TTLL7: variants seen among roughly 807,000 people sequenced by gnomAD.
TTLL7 encodes tubulin polyglutamylase TTLL7.
In TTLL7, 53 loss-of-function variants were observed where a neutral mutation model predicts 120.2. The ratio of observed to expected loss-of-function variants is 0.44; its 90% CI spans 0.35 to 0.55. TTLL7 has a LOEUF of 0.55. Ranked by LOEUF, TTLL7 falls within the 20% of genes least tolerant of loss-of-function variation. The pLI, the probability that TTLL7 is intolerant of heterozygous loss-of-function variation, is 0.00. For synonymous variants in TTLL7, 353 were observed against 351.7 expected (o/e 1.00, Z -0.04); for missense variants, 803 against 1,054.7 (o/e 0.76, Z 3.31).
At chr1:83,950,283 C>T (rs1648919525) in intron 3 of TTLL7, among the ~76,000 whole-genome samples, 1 of 152,154 alleles carries the variant, frequency 6.6e-6, no homozygotes, top group South Asian at 2.1e-4. Flanking sequence ...GGAAAACACA[C>T]ACAGCTGAGA....
rs1653020740 is a variant in TTLL7, at chr1:83,867,852, T to C, written c.*2110A>G. 1 of 151,956 alleles carries C rather than the reference T, an allele frequency of 6.6e-6. No homozygotes were observed. Among genetic ancestry groups the C allele is most frequent in the Non-Finnish European group, 1.5e-5 (1 of 67,924 alleles). 9.4% of individuals were successfully genotyped at this position (151,956 alleles called of 1,614,324 possible). ...TGTAATATCCCAATTTTTGCATTAT[T>C]TTTTCTAAAAAAAAATCCATAGCAT... is the stretch of plus-strand genomic sequence containing the variant. On this transcript the variant is annotated 3_prime_UTR_variant, in exon 21 of 21. Transcript: ENST00000260505.
chr1:83,942,413 T>C (rs777917945), intron 7 of TTLL7, 50 bp downstream of exon 7: 11 of 1,482,266 alleles, frequency 7.4e-6, no homozygotes, highest in Admixed American at 6.9e-5. Flanking sequence ...CTTTAAAAAG[T>C]ATATGTTGAC....
chr1:83,962,966 A>C (rs1650137843), intron 1 of TTLL7, among the ~76,000 whole-genome samples: 1 of 152,156 alleles, frequency 6.6e-6, no homozygotes, highest in South Asian at 2.1e-4. Context: ...CTCTAATAAA[A>C]ATTATTATTT....
At chr1:83,994,192 C>T (rs78623230) in intron 1 of TTLL7, among the ~76,000 whole-genome samples, 6,923 of 152,200 alleles carry the variant, frequency 0.045, 238 homozygotes, top group Non-Finnish European at 0.067. Context: ...TAATGTGATG[C>T]TTTTGTTTTC....
chr1:83,930,640 T>C (rs1328029989), intron 9 of TTLL7, among the ~76,000 whole-genome samples: 1 of 152,212 alleles, frequency 6.6e-6, no homozygotes, highest in Non-Finnish European at 1.5e-5. Flanking sequence ...ATAATACAAC[T>C]AATGACAGTG....
intron 17 of TTLL7, among the ~76,000 whole-genome samples, chr1:83,906,001 C>CA (rs1233290153): frequency 6.6e-5 from 10 of 152,088 alleles, no homozygotes. Flanking sequence ...TTTATAGAAG[C>CA]AGGTTTAACA....
intron 20 of TTLL7, among the ~76,000 whole-genome samples, chr1:83,871,667 G>A (rs891532244): frequency 3.3e-5 from 5 of 151,848 alleles, no homozygotes; most frequent in Non-Finnish European, 7.4e-5. Context: ...AGGCCGAGAC[G>A]GGCGGATCAC....
Position 83,937,857 on chromosome 1 carries a change from T to C in TTLL7, c.883A>G (p.Ile295Val). 2 of 1,613,946 alleles carry C rather than the reference T, an allele frequency of 1.2e-6. No homozygotes were observed. Among genetic ancestry groups the C allele is most frequent in the Non-Finnish European group, 1.7e-6 (2 of 1,179,866 alleles). ...GTGGAATGGCATAATCTTACTGAAATATCACTCCAAAACTTAGCAACATCA... is the reference window on the plus strand; with the variant it reads ...GTGGAATGGCATAATCTTACTGAAACATCACTCCAAAACTTAGCAACATCA... ...QHDVAKFWSD[I>V]SELVVKTLIV... The change falls in exon 8 of 21, where the codon ATT becomes GTT. Residue 295 changes from isoleucine to valine, a missense_variant. Physicochemically the swap from Ile to Val is conservative, Grantham distance 29. Transcript: ENST00000260505.
At chr1:83,883,519 T>A (rs1405928453) in intron 19 of TTLL7, among the ~76,000 whole-genome samples, 1 of 151,964 alleles carries the variant, frequency 6.6e-6, no homozygotes, top group Non-Finnish European at 1.5e-5. Context: ...AGCCTTGAAG[T>A]AGCTGGGACT....
At chr1:83,906,279 G>T in intron 17 of TTLL7, 50 bp downstream of exon 17, 2 of 1,451,826 alleles carry the variant, frequency 1.4e-6, no homozygotes, top group Non-Finnish European at 9.5e-7. Context: ...ATTTTAAGAA[G>T]AATAAAAAGG....
chr1:83,883,293 A>T (rs543854225), intron 19 of TTLL7, among the ~76,000 whole-genome samples, 157 bp from the exon 20 acceptor site: 1 of 152,190 alleles, frequency 6.6e-6, no homozygotes, highest in African/African-American at 2.4e-5. Context: ...ATAAATACAA[A>T]TCAGGAAATT....
Position 83,917,628 on chromosome 1 carries a change from T to C in TTLL7, c.1563A>G (p.Lys521=). The C allele has an allele frequency of 6.2e-7, 1 of 1,613,386 alleles. No homozygotes were observed. Among genetic ancestry groups the C allele is most frequent in the Non-Finnish European group, 8.5e-7 (1 of 1,179,486 alleles). Residue 521 remains lysine (K), a synonymous_variant, in exon 14 of 21, where the codon AAA becomes AAG. Transcript: ENST00000260505. ...CEIDDEKLMG[K]TTKTRGPKPL... Reference sequence around the variant, plus strand: ...CCTTTGGTCCTCGAGTCTTGGTAGTTTTTCCCATCAACTTTTCATCATCAA... The same window carrying C: ...CCTTTGGTCCTCGAGTCTTGGTAGTCTTTCCCATCAACTTTTCATCATCAA...
chr1:83,965,315 TAGTG>T (rs1255576141), intron 1 of TTLL7, among the ~76,000 whole-genome samples: 9 of 152,212 alleles, frequency 5.9e-5, no homozygotes, highest in African/African-American at 1.9e-4. Context: ...GTTCTTGTGA[TAGTG>T]AGTGAGTTCT....
intron 6 of TTLL7, 47 bp downstream of exon 6, chr1:83,947,077 C>A: frequency 6.7e-7 from 1 of 1,502,534 alleles, no homozygotes; most frequent in South Asian, 1.3e-5. Context: ...CTCCCCACTC[C>A]CAAATTTTTT....
chr1:83,908,694 T>C (rs937385850), intron 15 of TTLL7, among the ~76,000 whole-genome samples: 14 of 151,996 alleles, frequency 9.2e-5, no homozygotes, highest in Non-Finnish European at 4.4e-5. Context: ...CTATGGTCTA[T>C]ATATCCTCTG....
At chr1:83,889,038 T>G (rs1655212273) in intron 19 of TTLL7, among the ~76,000 whole-genome samples, 1 of 152,032 alleles carries the variant, frequency 6.6e-6, no homozygotes, top group African/African-American at 2.4e-5. Context: ...CTCGCACTGC[T>G]AAAAAAGACA....
intron 5 of TTLL7, chr1:83,947,776 A>G (rs1389208349): frequency 6.6e-6 from 1 of 152,120 alleles, no homozygotes; most frequent in Non-Finnish European, 1.5e-5. Context: ...GCTTCTTTAC[A>G]AATTATCACA....
At chr1:83,949,376 T>C (rs1157623843) in intron 4 of TTLL7, 1 of 152,740 alleles carries the variant, frequency 6.5e-6, no homozygotes, top group Admixed American at 6.6e-5. Context: ...CACCAAGCTG[T>C]AGTGCAGTGG....
chr1:83,913,144 T>G (rs900977360), intron 14 of TTLL7: 2 of 152,164 alleles, frequency 1.3e-5, no homozygotes, highest in African/African-American at 4.8e-5. Flanking sequence ...TAACTAGCAG[T>G]CACAGCAACA....
Sources: gnomAD v4.1 joint callset for allele counts (sites outside exome capture counted in the v4.1 genomes callset) on GRCh38, gnomAD v4.1.1 for gene constraint, MANE v1.5 for transcripts, NCBI Gene and HGNC (gene_info 2026-07-23, HGNC 2026-07-21) for gene names.